SPRED2: variants seen among roughly 807,000 people sequenced by gnomAD.
SPRED2 encodes sprouty related EVH1 domain containing 2.
SPRED2 carries 47 observed loss-of-function variants against 43.0 expected under a neutral mutation model. That is an observed-to-expected ratio of 1.09 (90% CI 0.87 to 1.40). The LOEUF is 1.40. Among genes scored for constraint, SPRED2 ranks in the 40% most tolerant of loss-of-function variants. The pLI is 0.00. For synonymous variants in SPRED2, 225 were observed against 225.7 expected, an observed-to-expected ratio of 1.00 and a Z score of 0.03; for missense variants, 561 against 586.4, an observed-to-expected ratio of 0.96 and a Z score of 0.45.
chr2:65,378,577 A>C lies in SPRED2; in HGVS notation c.27-33681T>G, dbSNP rs10174091. 3.0e-3 allele frequency among the ~76,000 whole-genome samples: 461 copies of C among 152,328 alleles called. 4 individuals carry two copies. The highest frequency in any genetic ancestry group is 0.011 in the African/African-American group (439 of 41,566). ...AGGAAAAAGAGCTGTTAAAATGGCT[A>C]TATGCCACTGAGACCTCACTAGTGA... On this transcript the variant is annotated intron_variant, in intron 1 of 5. Transcript: ENST00000356388.
At chr2:65,390,134 G>A (rs1675596008) in intron 1 of SPRED2, among the ~76,000 whole-genome samples, 3 of 152,188 alleles carry the variant, frequency 2.0e-5, no homozygotes, top group Admixed American at 6.5e-5. Context: ...TCTGGGCAGA[G>A]GAGCCAAAAT....
At chr2:65,370,188 C>T (rs900418736) in intron 1 of SPRED2, among the ~76,000 whole-genome samples, 8 of 152,190 alleles carry the variant, frequency 5.3e-5, no homozygotes, top group African/African-American at 1.9e-4. Context: ...TAAGCCTCTG[C>T]TTCCTTACCT....
chr2:65,389,981 A>C (rs1472864050), intron 1 of SPRED2, among the ~76,000 whole-genome samples: 2 of 152,232 alleles, frequency 1.3e-5, no homozygotes, highest in East Asian at 1.9e-4. Flanking sequence ...AACAATGTGC[A>C]AGTGTGAGGG....
At chr2:65,401,128 T>A (rs551438735) in intron 1 of SPRED2, among the ~76,000 whole-genome samples, 2 of 151,938 alleles carry the variant, frequency 1.3e-5, no homozygotes, top group Admixed American at 1.3e-4. Flanking sequence ...ACACCACGCC[T>A]GGCAATTTTT....
intron 1 of SPRED2, among the ~76,000 whole-genome samples, chr2:65,358,453 T>C (rs559132349): frequency 1.3e-5 from 2 of 152,306 alleles, no homozygotes; most frequent in Admixed American, 1.3e-4. Context: ...TCCCAAACAG[T>C]TGATTCTATC....
intron 1 of SPRED2, among the ~76,000 whole-genome samples, chr2:65,348,614 C>A (rs1558663106): frequency 6.6e-6 from 1 of 151,614 alleles, no homozygotes; most frequent in Non-Finnish European, 1.5e-5. Context: ...ACCAGCCTGG[C>A]CAACATGGTG....
chr2:65,363,342 G>T (rs1674881020), intron 1 of SPRED2, among the ~76,000 whole-genome samples: 1 of 151,796 alleles, frequency 6.6e-6, no homozygotes, highest in African/African-American at 2.4e-5. Context: ...GACGCAACAA[G>T]CTGTCAGCAA....
At position 65,311,980 on chromosome 2, in the gene SPRED2, A is replaced by G. The variant is rs1279516693; in HGVS notation, c.*1521T>C. 5.1e-6 allele frequency: 5 copies of G among 985,268 alleles called. No homozygotes were observed. The highest frequency in any genetic ancestry group is 6.0e-6 in the Non-Finnish European group (5 of 829,960). 61.0% of individuals were successfully genotyped at this position (985,268 alleles called of 1,614,324 possible). On this transcript the variant is annotated 3_prime_UTR_variant, in exon 6 of 6. Coordinates refer to ENST00000356388, the MANE Select transcript of SPRED2 (RefSeq NM_181784.3). ...GTCTTCTGCTGGCCGCTACCACAGA[A>G]AGATCGTGGCGGGAAGAACAGCCGG...
intron 1 of SPRED2, among the ~76,000 whole-genome samples, chr2:65,371,639 C>T (rs570430173): frequency 6.6e-6 from 1 of 151,996 alleles, no homozygotes. Context: ...TAAAGTGTAA[C>T]GGGCTGGCAG....
intron 1 of SPRED2, among the ~76,000 whole-genome samples, chr2:65,392,027 T>C (rs1383240784): frequency 6.6e-6 from 1 of 152,110 alleles, no homozygotes; most frequent in East Asian, 1.9e-4. Context: ...TCTTTGTCTC[T>C]TTTTATAATC....
rs1388260118 is a variant in SPRED2, at chr2:65,316,797, C to G, written c.525G>C (p.Arg175=). 5 of 1,613,336 alleles carry G rather than the reference C, an allele frequency of 3.1e-6. No homozygotes were observed. The African/African-American group carries it at 6.7e-5, about 22-fold the overall frequency. The change falls in exon 5 of 6, where the codon CGG becomes CGC. Residue 175 remains arginine, a synonymous_variant. Transcript: ENST00000356388. ...GGAGGTGGCCCAGGGTATAAATCCT[C>G]CGGTGCTCACAGGATGTGGGAGAGG... ...TISSPTSCEH[R]RIYTLGHLHD...
In SPRED2 at chr2:65,322,288, A is replaced by C. The variant is rs866012772; in HGVS notation, c.439-5405T>G. Among the ~76,000 whole-genome samples the C allele has an allele frequency of 1.8e-4, 16 of 88,542 alleles. 1 individual carries two copies. The highest frequency in any genetic ancestry group is 7.0e-4 in the African/African-American group (13 of 18,442). The allele number at this position is 88,542 out of a possible 152,430, so 58.1% of individuals were successfully genotyped here. ...TCTCTCTCTATATATATATATATAT[A>C]TATATATTTTTTTTTTTTTTTTTGA... On this transcript the variant is annotated intron_variant, in intron 4 of 5. Transcript: ENST00000356388.
At chr2:65,364,704 A>C (rs1674924078) in intron 1 of SPRED2, among the ~76,000 whole-genome samples, 1 of 152,214 alleles carries the variant, frequency 6.6e-6, no homozygotes, top group Admixed American at 6.5e-5. Flanking sequence ...AGTGTCACTA[A>C]ATCAAGAACT....
chr2:65,334,476 G>T, intron 3 of SPRED2, 129 bp downstream of exon 3: 1 of 1,058,418 alleles, frequency 9.4e-7, no homozygotes, highest in African/African-American at 1.6e-5. Context: ...AAAAGTTTTG[G>T]CATCTACTGA....
intron 1 of SPRED2, among the ~76,000 whole-genome samples, chr2:65,366,427 TC>T (rs1419406001): frequency 3.3e-5 from 5 of 152,230 alleles, no homozygotes; most frequent in African/African-American, 1.2e-4. Context: ...TACCTATCTG[TC>T]CTTGCACGTG....
intron 2 of SPRED2, among the ~76,000 whole-genome samples, chr2:65,337,969 AT>A (rs1236600346): frequency 6.6e-6 from 1 of 152,216 alleles, no homozygotes; most frequent in Non-Finnish European, 1.5e-5. Flanking sequence ...TAGTTTTTTT[AT>A]ATTAATGAGT....
intron 1 of SPRED2, among the ~76,000 whole-genome samples, chr2:65,352,025 C>G (rs139350628): frequency 2.0e-5 from 3 of 152,308 alleles, no homozygotes; most frequent in Non-Finnish European, 4.4e-5. Context: ...TTGCTCTACA[C>G]GCTATAATGT....
At chr2:65,308,653 T>A, downstream of SPRED2, 1 of 771,498 alleles carries the variant, frequency 1.3e-6, no homozygotes, top group Non-Finnish European at 1.6e-6. Context: ...CTAAAGCATA[T>A]CATTTAACCT....
At position 65,377,503 on chromosome 2, in the gene SPRED2, C is replaced by T. The variant is rs138940624; in HGVS notation, c.27-32607G>A. 1.8e-5 allele frequency: 8 copies of T among 453,906 alleles called. No homozygotes were observed. The East Asian group carries it at 2.1e-4, about 12-fold the overall frequency. The allele number at this position is 453,906 out of a possible 1,614,324, so 28.1% of individuals were successfully genotyped here. ...GCCTCATCACCCATTAAAGCTGCAG[C>T]GTCTGACTCTAAGAAATTCTAACAG... is the stretch of plus-strand genomic sequence containing the variant. On this transcript the variant is annotated intron_variant, in intron 1 of 5. Transcript: ENST00000356388.
Sources: allele counts gnomAD v4.1 joint callset (sites outside exome capture counted in the v4.1 genomes callset), GRCh38; gene constraint gnomAD v4.1.1; transcripts MANE v1.5; gene names NCBI Gene and HGNC (gene_info 2026-07-23, HGNC 2026-07-21).